Variants in CDC42BPG observed in about 807,000 individuals in gnomAD.
The protein encoded by CDC42BPG is CDC42 binding protein kinase gamma, also known as serine/threonine-protein kinase MRCK gamma.
Under a neutral mutation model 192.2 loss-of-function variants are expected in CDC42BPG, and 157 were observed. The observed-to-expected ratio is 0.82, with a 90% CI of 0.72 to 0.93. The LOEUF (loss-of-function observed/expected upper bound fraction) is 0.93. CDC42BPG is among the 40% of genes least tolerant of loss of function. The probability of loss-of-function intolerance (pLI) is 0.00; values close to 1 mark genes in which losing one functional copy is unlikely to be tolerated. For missense variants in CDC42BPG, 1,992 were observed against 2,122.1 expected, an observed-to-expected ratio of 0.94 and a Z score of 1.20; for synonymous variants, 981 against 918.5, an observed-to-expected ratio of 1.07 and a Z score of -1.23.
chr11:64,839,438 C>CCTGCTCCCA (rs142726755), intron 6 of CDC42BPG, 40 bp downstream of exon 6: 940,194 of 1,579,628 alleles, frequency 0.6, 294,271 homozygotes, highest in Non-Finnish European at 0.65. Context: ...GCTTGGCCCG[C>CCTGCTCCCA]CTTGTATCCC....
chr11:64,825,291 G>C (rs1565665857), intron 36 of CDC42BPG, among the ~76,000 whole-genome samples: 1 of 152,136 alleles, frequency 6.6e-6, no homozygotes, highest in Non-Finnish European at 1.5e-5. Context: ...GAAGAATGAA[G>C]CCTGACCCCC....
At chr11:64,838,313 C>T in intron 8 of CDC42BPG, 151 bp from the exon 9 acceptor site, 1 of 633,372 alleles carries the variant, frequency 1.6e-6, no homozygotes, top group Non-Finnish European at 2.8e-6. Flanking sequence ...ACCCCCAGCT[C>T]CCACAAGTCT....
chr11:64,836,320 G>A, intron 12 of CDC42BPG, 24 bp from the exon 13 acceptor site: 1 of 1,608,500 alleles, frequency 6.2e-7, no homozygotes, highest in Non-Finnish European at 8.5e-7. Flanking sequence ...GGAGGGAGCG[G>A]GGAAGGACAA....
intron 3 of CDC42BPG, among the ~76,000 whole-genome samples, chr11:64,841,162 T>G (rs1230086032): frequency 1.5e-5 from 2 of 131,676 alleles, no homozygotes; most frequent in Non-Finnish European, 3.2e-5. Context: ...AAAAAAAAAG[T>G]TTATTGTAGG....
chr11:64,840,360 A>G, intron 4 of CDC42BPG, 92 bp from the exon 5 acceptor site: 1 of 1,517,864 alleles, frequency 6.6e-7, no homozygotes, highest in African/African-American at 1.4e-5. Flanking sequence ...GCAGGCCTGC[A>G]TCTCCCAGCA....
chr11:64,835,017 T>TGGCCCCCCCCCCCCCCCCCC, intron 17 of CDC42BPG, 30 bp downstream of exon 17: 2 of 1,571,954 alleles, frequency 1.3e-6, no homozygotes, highest in Non-Finnish European at 8.7e-7. Context: ...TCGCCTGCGT[T>TGGCCCCCCCCCCCCCCCCCC]CCCCACCCCG....
chr11:64,843,360 A>G (rs1592730326), intron 1 of CDC42BPG, among the ~76,000 whole-genome samples: 2 of 152,130 alleles, frequency 1.3e-5, no homozygotes, highest in Non-Finnish European at 2.9e-5. Context: ...TGACAACAAC[A>G]CAGGCAGACA....
Position 64,829,747 on chromosome 11 carries a change from G to A in CDC42BPG, c.3691C>T (p.Leu1231=). 2 of 1,606,122 alleles carry A rather than the reference G, an allele frequency of 1.2e-6. No individual in the cohort carries two copies. Among genetic ancestry groups the A allele is most frequent in the Non-Finnish European group, 1.7e-6 (2 of 1,177,140 alleles). The part of the protein sequence containing the change: ...ELQAPATVQS[L]GLLGDRLCVG... ...CATAGCCGGTCGCCCAGCAGCCCCAGGCTCTGCACAGTGGCAGGTGCCTGC... is the reference window on the plus strand; with the variant it reads ...CATAGCCGGTCGCCCAGCAGCCCCAAGCTCTGCACAGTGGCAGGTGCCTGC... Residue 1231 remains leucine (L), a synonymous_variant, in exon 30 of 37, where the codon CTG becomes TTG. Transcript: ENST00000342711.
intron 15 of CDC42BPG, 21 bp from the exon 16 acceptor site, chr11:64,835,440 G>T (rs1241675673): frequency 6.2e-7 from 1 of 1,613,014 alleles, no homozygotes. Context: ...GAAGGCCAAG[G>T]CCGTGACTCA....
chr11:64,827,498 C>T lies in CDC42BPG; in HGVS notation c.4150+29G>A, dbSNP rs755284261. The T allele has an allele frequency of 3.7e-6, 6 of 1,607,610 alleles. No homozygotes were observed. In the Admixed American group the frequency reaches 1.0e-4, roughly 27 times the overall value. ...AGCCACACGTGCGCACTGGGGAACG[C>T]ACACACCCGTACACACGCACTCCCT... On this transcript the variant is annotated intron_variant, in intron 32 of 36. Transcript: ENST00000342711.
In CDC42BPG at chr11:64,827,194, T is replaced by C. The variant is rs202072462; in HGVS notation, c.4272-27A>G. On this transcript the variant is annotated intron_variant, in intron 33 of 36. Transcript: ENST00000342711. Reference sequence around the variant, plus strand: ...TGTGGGCGGAGGTGTAAGTAGTGGGTGGCGAAGCTCCACCCTCCCTTCGAC... The same window carrying C: ...TGTGGGCGGAGGTGTAAGTAGTGGGCGGCGAAGCTCCACCCTCCCTTCGAC... 718 of 1,613,364 alleles carry C rather than the reference T, an allele frequency of 4.5e-4. 1 individual carries two copies. Among genetic ancestry groups the C allele is most frequent in the Middle Eastern group, 1.3e-3 (8 of 6,060 alleles).
At chr11:64,824,931 T>G (rs1212688968) in intron 36 of CDC42BPG, among the ~76,000 whole-genome samples, 1 of 151,424 alleles carries the variant, frequency 6.6e-6, no homozygotes, top group Non-Finnish European at 1.5e-5. Context: ...TTTTTCGTTT[T>G]TTTTTTTGGA....
At chr11:64,828,651 A>C (rs772152423) in intron 30 of CDC42BPG, among the ~76,000 whole-genome samples, 2 of 152,206 alleles carry the variant, frequency 1.3e-5, no homozygotes, top group African/African-American at 2.4e-5. Context: ...CCGGTGGCTC[A>C]CACCTGTAAT....
At chr11:64,827,238 G>A in intron 33 of CDC42BPG, 40 bp downstream of exon 33, 1 of 1,613,114 alleles carries the variant, frequency 6.2e-7, no homozygotes, top group Non-Finnish European at 8.5e-7. Context: ...AAGCGGAGGC[G>A]GCCCCACCCA....
intron 14 of CDC42BPG, 35 bp from the exon 15 acceptor site, chr11:64,835,656 A>G (rs1431281863): frequency 1.9e-6 from 3 of 1,580,412 alleles, no homozygotes; most frequent in East Asian, 2.2e-5. Flanking sequence ...GCAGAGACCC[A>G]AGATGCCATG....
In CDC42BPG at chr11:64,829,823, G is replaced by A; in HGVS notation, c.3615C>T (p.Cys1205=). Reference sequence around the variant, plus strand: ...GCCCAGGGCCCGGGCCCAGCTGGTAGCAGAGCACCTGGCGCTTGACGGCTA... The same window carrying A: ...GCCCAGGGCCCGGGCCCAGCTGGTAACAGAGCACCTGGCGCTTGACGGCTA... ...LCVAVKRQVL[C]YQLGPGPGPW... The change falls in exon 30 of 37, where the codon TGC becomes TGT. Residue 1205 remains cysteine (C), a synonymous_variant. Coordinates refer to ENST00000342711, the MANE Select transcript of CDC42BPG (RefSeq NM_017525.3). 1 of 1,605,534 alleles carries A rather than the reference G, an allele frequency of 6.2e-7. No homozygotes were observed.
chr11:64,836,062 C>A lies in CDC42BPG; in HGVS notation c.1668+55G>T. 23 of 1,522,654 alleles carry A rather than the reference C, an allele frequency of 1.5e-5. No homozygotes were observed. In the South Asian group the frequency reaches 2.7e-4, roughly 18 times the overall value. The allele number at this position is 1,522,654 out of a possible 1,614,324, so 94.3% of individuals were successfully genotyped here. On this transcript the variant is annotated intron_variant, in intron 13 of 36. Coordinates refer to ENST00000342711, the MANE Select transcript of CDC42BPG (RefSeq NM_017525.3). Reference sequence around the variant, plus strand: ...CCCACCAAGCTCCCCATGCTCCCTCCAGGCACACTGGGGGCAGGGCCCAGG... The same window carrying A: ...CCCACCAAGCTCCCCATGCTCCCTCAAGGCACACTGGGGGCAGGGCCCAGG...
rs139041677 is a variant in CDC42BPG, at chr11:64,840,781, T to A, written c.337-133A>T. ...TGGAGGTCATAGCTCTACTGTCCCCTGTCTGGCTGCGACTGAGCCCAAGCC... is the reference window on the plus strand; with the variant it reads ...TGGAGGTCATAGCTCTACTGTCCCCAGTCTGGCTGCGACTGAGCCCAAGCC... On this transcript the variant is annotated intron_variant, in intron 3 of 36. Coordinates refer to ENST00000342711, the MANE Select transcript of CDC42BPG (RefSeq NM_017525.3). The A allele has an allele frequency of 1.3e-3, 985 of 743,506 alleles. 16 individuals carry two copies. In the East Asian group the frequency reaches 0.025, roughly 19 times the overall value. 46.1% of individuals were successfully genotyped at this position (743,506 alleles called of 1,614,324 possible).
Position 64,832,438 on chromosome 11 carries a change from C to T in CDC42BPG, c.3077G>A (p.Arg1026His), listed in dbSNP as rs573962378. The T allele has an allele frequency of 1.8e-5, 29 of 1,613,844 alleles. No individual in the cohort carries two copies. Among genetic ancestry groups the T allele is most frequent in the East Asian group, 2.2e-5 (1 of 44,876 alleles). ...VIHAQSRDLP[R>H]IFRVTTSQLA... ...ATCCCAGGCACTCACCCTAAAGATG[C>T]GTGGCAGGTCCCTGGATTGGGCATG... Residue 1026 changes from arginine to histidine, a missense_variant, in exon 27 of 37, where the codon CGC becomes CAC. By Grantham distance (29) the Arg-to-His change is conservative. Coordinates refer to ENST00000342711, the MANE Select transcript of CDC42BPG (RefSeq NM_017525.3).
Sources: allele counts gnomAD v4.1 joint callset (sites outside exome capture counted in the v4.1 genomes callset), GRCh38; gene constraint gnomAD v4.1.1; transcripts MANE v1.5; gene names NCBI Gene and HGNC (gene_info 2026-07-23, HGNC 2026-07-21).